LAMA2: variants seen among roughly 807,000 people sequenced by gnomAD.
LAMA2 encodes laminin subunit alpha 2, also known as laminin subunit alpha-2.
Under a neutral mutation model 364.8 loss-of-function variants are expected in LAMA2, and 269 were observed. The ratio of observed to expected loss-of-function variants is 0.74; its 90% CI spans 0.67 to 0.82. LAMA2 has a LOEUF of 0.82. LAMA2 is among the 40% of genes least tolerant of loss of function. LAMA2 has a pLI of 0.00. For synonymous variants in LAMA2, 1,379 were observed against 1,370.6 expected, an observed-to-expected ratio of 1.01 and a Z score of -0.14; for missense variants, 3,807 against 3,873.2, an observed-to-expected ratio of 0.98 and a Z score of 0.45.
chr6:129,456,713 G>T (rs1782983135), intron 48 of LAMA2, among the ~76,000 whole-genome samples: 2 of 152,254 alleles, frequency 1.3e-5, no homozygotes, highest in African/African-American at 4.8e-5. Flanking sequence ...TATTTAAACA[G>T]CTGTTGTTTT....
chr6:129,240,249 G>A (rs1785309423), intron 12 of LAMA2, among the ~76,000 whole-genome samples: 1 of 152,098 alleles, frequency 6.6e-6, no homozygotes, highest in Admixed American at 6.6e-5. Flanking sequence ...CCAGAATGAG[G>A]GTGGTTCTGT....
At chr6:129,020,317 T>C (rs1446036333) in intron 1 of LAMA2, among the ~76,000 whole-genome samples, 1 of 152,106 alleles carries the variant, frequency 6.6e-6, no homozygotes, top group African/African-American at 2.4e-5. Context: ...TGGCCTTTTG[T>C]CTACCCCTGA....
At chr6:129,422,381 T>A (rs1205881556) in intron 40 of LAMA2, among the ~76,000 whole-genome samples, 2 of 152,080 alleles carry the variant, frequency 1.3e-5, no homozygotes, top group African/African-American at 2.4e-5. Flanking sequence ...TATCAGTACA[T>A]AGCCTTCAGT....
intron 17 of LAMA2, among the ~76,000 whole-genome samples, chr6:129,279,086 A>G (rs1254769314): frequency 6.6e-6 from 1 of 152,204 alleles, no homozygotes; most frequent in African/African-American, 2.4e-5. Flanking sequence ...CCTGTCATAT[A>G]TAATAGAAAA....
intron 1 of LAMA2, among the ~76,000 whole-genome samples, chr6:128,942,060 A>G (rs771192954): frequency 2.0e-5 from 3 of 152,232 alleles, no homozygotes; most frequent in Admixed American, 2.0e-4. Flanking sequence ...ATTCCAAGAT[A>G]TATGAGTAAA....
chr6:129,021,697 G>A (rs1275207490), intron 1 of LAMA2, among the ~76,000 whole-genome samples: 1 of 152,186 alleles, frequency 6.6e-6, no homozygotes, highest in Non-Finnish European at 1.5e-5. Flanking sequence ...AGTGACGTTT[G>A]TGTAATTCAA....
At chr6:128,953,225 G>C (rs1021367494) in intron 1 of LAMA2, among the ~76,000 whole-genome samples, 1 of 152,126 alleles carries the variant, frequency 6.6e-6, no homozygotes, top group East Asian at 1.9e-4. Flanking sequence ...AGTGATCACT[G>C]TCCCTCTAAT....
chr6:129,456,569 A>G lies in LAMA2; in HGVS notation c.6867+75A>G, dbSNP rs150711633. Reference sequence around the variant, plus strand: ...TGACATAATTACTTCAGGAGAAGGTATGATAAAGCTCTGTAAAACTTGATC... The same window carrying G: ...TGACATAATTACTTCAGGAGAAGGTGTGATAAAGCTCTGTAAAACTTGATC... On this transcript the variant is annotated intron_variant, in intron 48 of 64. Coordinates refer to ENST00000421865, the MANE Select transcript of LAMA2 (RefSeq NM_000426.4). The G allele has an allele frequency of 6.9e-4, 910 of 1,325,750 alleles. 7 individuals are homozygous for G. In the African/African-American group the frequency reaches 0.012, roughly 18 times the overall value. 82.1% of individuals were successfully genotyped at this position (1,325,750 alleles called of 1,614,324 possible).
intron 1 of LAMA2, among the ~76,000 whole-genome samples, chr6:129,042,802 A>G (rs1469203251): frequency 6.6e-6 from 1 of 152,308 alleles, no homozygotes; most frequent in South Asian, 2.1e-4. Flanking sequence ...TATGTGGCAT[A>G]ATCCTTTTTG....
At chr6:129,027,903 A>G (rs1436726732) in intron 1 of LAMA2, among the ~76,000 whole-genome samples, 2 of 151,840 alleles carry the variant, frequency 1.3e-5, no homozygotes, top group African/African-American at 4.8e-5. Context: ...TACTTGAAAT[A>G]TCTAAATGAA....
At chr6:129,101,330 G>A (rs1216767237) in intron 4 of LAMA2, among the ~76,000 whole-genome samples, 1 of 152,024 alleles carries the variant, frequency 6.6e-6, no homozygotes, top group Non-Finnish European at 1.5e-5. Flanking sequence ...TGTTAAACTC[G>A]GTACATACAG....
chr6:129,275,946 A>T (rs1362930445), intron 17 of LAMA2, among the ~76,000 whole-genome samples: 3 of 152,102 alleles, frequency 2.0e-5, no homozygotes, highest in Non-Finnish European at 4.4e-5. Context: ...TGTGGAGATT[A>T]AATCAGATTT....
In LAMA2 at chr6:129,219,643, A is replaced by C. The variant is rs1361098364; in HGVS notation, c.1782+26790A>C. Among the ~76,000 whole-genome samples, 22 of 146,694 alleles carry C rather than the reference A, an allele frequency of 1.5e-4. No homozygotes were observed. The South Asian group carries it at 4.8e-3, about 32-fold the overall frequency. On this transcript the variant is annotated intron_variant, in intron 12 of 64. Transcript: ENST00000421865. ...ACATATACACCATGGAATACTATGC[A>C]GCCATAAAAAATGATGAGTTCATGT...
chr6:128,974,523 T>C (rs1782399951), intron 1 of LAMA2, among the ~76,000 whole-genome samples: 1 of 152,246 alleles, frequency 6.6e-6, no homozygotes, highest in Non-Finnish European at 1.5e-5. Context: ...AGCATTGTTT[T>C]ATATTAAAAT....
intron 1 of LAMA2, among the ~76,000 whole-genome samples, chr6:128,993,664 A>G (rs531598679): frequency 1.3e-5 from 2 of 152,312 alleles, no homozygotes; most frequent in South Asian, 2.1e-4. Context: ...TTGTTTTTAA[A>G]AAAACATAAA....
intron 1 of LAMA2, among the ~76,000 whole-genome samples, chr6:129,014,017 G>A (rs909330727): frequency 3.3e-5 from 5 of 152,248 alleles, no homozygotes; most frequent in East Asian, 1.9e-4. Context: ...TTTAGATAAG[G>A]CAGTTAGAGA....
intron 64 of LAMA2, among the ~76,000 whole-genome samples, chr6:129,515,361 A>G (rs1786964835): frequency 6.6e-6 from 1 of 152,222 alleles, no homozygotes; most frequent in Admixed American, 6.5e-5. Context: ...TGGGGGCCCA[A>G]CGACAGCTCC....
intron 1 of LAMA2, among the ~76,000 whole-genome samples, chr6:129,047,616 G>T (rs752058840): frequency 2.0e-5 from 3 of 152,144 alleles, no homozygotes; most frequent in Non-Finnish European, 2.9e-5. Context: ...AGCTCTTTGG[G>T]AGATCTTAAG....
intron 3 of LAMA2, among the ~76,000 whole-genome samples, chr6:129,066,702 A>T (rs1047534038): frequency 6.6e-6 from 1 of 152,238 alleles, no homozygotes; most frequent in African/African-American, 2.4e-5. Context: ...TAATCAAAAC[A>T]GTATGCTGCT....
Sources: allele counts gnomAD v4.1 joint callset (sites outside exome capture counted in the v4.1 genomes callset), GRCh38; gene constraint gnomAD v4.1.1; transcripts MANE v1.5; gene names NCBI Gene and HGNC (gene_info 2026-07-23, HGNC 2026-07-21).